The following PPP2R2B variants were observed in gnomAD, a reference collection of about 807,000 sequenced individuals.
The protein encoded by PPP2R2B is protein phosphatase 2 regulatory subunit Bbeta.
Under a neutral mutation model 46.0 loss-of-function variants are expected in PPP2R2B, and 5 were observed. The observed-to-expected ratio is 0.11, with a 90% CI of 0.06 to 0.23. The LOEUF is 0.23. Among genes scored for constraint, PPP2R2B ranks in the 10% least tolerant of loss-of-function variants. PPP2R2B has a pLI of 1.00. For missense variants in PPP2R2B, 367 were observed against 575.0 expected (o/e 0.64, Z 3.70); for synonymous variants, 215 against 206.7 (o/e 1.04, Z -0.34).
intron 8 of PPP2R2B, among the ~76,000 whole-genome samples, chr5:146,599,629 C>T (rs114432261): frequency 3.3e-5 from 5 of 152,172 alleles, no homozygotes; most frequent in Admixed American, 1.3e-4. Flanking sequence ...TTTCTCTTGA[C>T]ACCAGGCCTT....
At chr5:146,776,215 A>G (rs1243223433) in intron 2 of PPP2R2B, among the ~76,000 whole-genome samples, 1 of 152,256 alleles carries the variant, frequency 6.6e-6, no homozygotes, top group East Asian at 1.9e-4. Context: ...AAAAGAATAA[A>G]GTTGGAGAAC....
chr5:146,692,847 T>C lies in PPP2R2B; in HGVS notation c.335-1607A>G, dbSNP rs528147669. Among the ~76,000 whole-genome samples, 38 of 152,190 alleles carry C rather than the reference T, an allele frequency of 2.5e-4. 1 individual carries two copies. In the South Asian group the frequency reaches 7.5e-3, roughly 30 times the overall value. On this transcript the variant is annotated intron_variant, in intron 4 of 9. Coordinates refer to ENST00000394411, the MANE Select transcript of PPP2R2B (RefSeq NM_181675.4). ...CCACACCCGGCCTAATTCAATTATT[T>C]AAGGAGACAAGATCAGGCAAACAAA...
intron 1 of PPP2R2B, among the ~76,000 whole-genome samples, chr5:146,923,915 T>C (rs1763694558): frequency 6.6e-6 from 1 of 152,150 alleles, no homozygotes; most frequent in Non-Finnish European, 1.5e-5. Context: ...TGGTAGTTTG[T>C]TCCTTTGCAG....
At chr5:147,012,791 A>G (rs1269449016) in intron 1 of PPP2R2B, among the ~76,000 whole-genome samples, 5 of 151,730 alleles carry the variant, frequency 3.3e-5, no homozygotes, top group East Asian at 1.9e-4. Context: ...CTTTGTTCTC[A>G]TTGGTTTCAA....
chr5:146,812,822 TATATATACAC>T lies in PPP2R2B; in HGVS notation c.70+65170_70+65179del, dbSNP rs1487990920. 1.7e-4 allele frequency among the ~76,000 whole-genome samples: 15 copies of T among 90,716 alleles called. 1 individual carries two copies. The highest frequency in any genetic ancestry group is 6.1e-4 in the African/African-American group (15 of 24,774). 59.5% of individuals were successfully genotyped at this position (90,716 alleles called of 152,430 possible). A position where few individuals can be genotyped will look rare whatever the true frequency, so the allele number is the denominator to read the frequency against. ...ATATATATATATATATATATATATATATATATACACACACATTTCCATTATAAAACCATCA... is the reference window on the plus strand; with the variant it reads ...ATATATATATATATATATATATATATACACATTTCCATTATAAAACCATCA... On this transcript the variant is annotated intron_variant, in intron 2 of 9. Coordinates refer to ENST00000394411, the MANE Select transcript of PPP2R2B (RefSeq NM_181675.4).
chr5:146,715,411 T>C (rs1780439543), intron 2 of PPP2R2B, among the ~76,000 whole-genome samples: 1 of 152,182 alleles, frequency 6.6e-6, no homozygotes, highest in Non-Finnish European at 1.5e-5. Context: ...TAGAAAAGCA[T>C]AGTTTTTCTT....
At chr5:147,081,157 C>T (rs1235898209) in intron 1 of PPP2R2B, 11 of 1,535,240 alleles carry the variant, frequency 7.2e-6, no homozygotes, top group Non-Finnish European at 8.7e-6. Flanking sequence ...CACAAGGAGA[C>T]ACTTCAGGTT....
intron 2 of PPP2R2B, among the ~76,000 whole-genome samples, chr5:146,833,178 C>T (rs982571590): frequency 6.6e-6 from 1 of 152,078 alleles, no homozygotes; most frequent in African/African-American, 2.4e-5. Context: ...CTTCAAAATG[C>T]CTTTAATGCC....
chr5:146,781,914 A>T (rs1480451635), intron 2 of PPP2R2B, among the ~76,000 whole-genome samples: 1 of 152,182 alleles, frequency 6.6e-6, no homozygotes, highest in Non-Finnish European at 1.5e-5. Context: ...TGCAATCCGT[A>T]AAGTTGGAGG....
At chr5:146,964,643 A>C (rs1752323406) in intron 1 of PPP2R2B, among the ~76,000 whole-genome samples, 1 of 151,962 alleles carries the variant, frequency 6.6e-6, no homozygotes, top group Non-Finnish European at 1.5e-5. Flanking sequence ...TTCCTGCCTC[A>C]GCTTCCCGAG....
chr5:147,051,270 G>A (rs780666410), intron 1 of PPP2R2B, among the ~76,000 whole-genome samples: 3 of 152,152 alleles, frequency 2.0e-5, no homozygotes, highest in Non-Finnish European at 2.9e-5. Context: ...AATAGGTTGC[G>A]TCTGAGTCAG....
chr5:146,861,706 T>C (rs1019683720), intron 2 of PPP2R2B, among the ~76,000 whole-genome samples: 1 of 152,182 alleles, frequency 6.6e-6, no homozygotes, highest in African/African-American at 2.4e-5. Context: ...TAAAATTTCA[T>C]CAGCCTGAGT....
At chr5:146,749,625 T>TTTG (rs1753420924) in intron 2 of PPP2R2B, among the ~76,000 whole-genome samples, 1 of 149,262 alleles carries the variant, frequency 6.7e-6, no homozygotes, top group Non-Finnish European at 1.5e-5. Context: ...TTTTTTTTTT[T>TTTG]TCGAGATGGA....
chr5:146,839,899 C>T (rs1357741392), intron 2 of PPP2R2B, among the ~76,000 whole-genome samples: 1 of 152,122 alleles, frequency 6.6e-6, no homozygotes, highest in Non-Finnish European at 1.5e-5. Context: ...TTTTTACTTC[C>T]TTAGGGTATG....
intron 2 of PPP2R2B, among the ~76,000 whole-genome samples, chr5:146,793,747 G>T (rs891585957): frequency 6.6e-6 from 1 of 152,134 alleles, no homozygotes; most frequent in Non-Finnish European, 1.5e-5. Flanking sequence ...ACATGTTTAG[G>T]GTTAGAAATA....
chr5:146,858,575 C>T (rs1255353453), intron 2 of PPP2R2B, among the ~76,000 whole-genome samples: 2 of 152,144 alleles, frequency 1.3e-5, no homozygotes, highest in Non-Finnish European at 2.9e-5. Context: ...AAAAAATACA[C>T]ACAGTACTCA....
chr5:146,873,257 A>G (rs1251912040), intron 2 of PPP2R2B, among the ~76,000 whole-genome samples: 1 of 151,856 alleles, frequency 6.6e-6, no homozygotes, highest in Non-Finnish European at 1.5e-5. Flanking sequence ...AAATCCATCT[A>G]ATTCTCTCCA....
rs76371672 is a variant in PPP2R2B, at chr5:147,080,358, C to A, written c.50+701G>T. ...TGTTTCAGGCAAGCCCTACTGCATT[C>A]TGCTAGAAGAGCTAAACCGTGATTT... On this transcript the variant is annotated intron_variant, in intron 2 of 10. Coordinates refer to the PPP2R2B transcript ENST00000394413. Among the ~76,000 whole-genome samples, 1,145 of 152,298 alleles carry A rather than the reference C, an allele frequency of 7.5e-3. 12 individuals are homozygous for A. Among genetic ancestry groups the A allele is most frequent in the African/African-American group, 0.026 (1,093 of 41,574 alleles).
chr5:146,928,660 T>C (rs1357513076), intron 1 of PPP2R2B, among the ~76,000 whole-genome samples: 1 of 152,184 alleles, frequency 6.6e-6, no homozygotes, highest in East Asian at 1.9e-4. Context: ...TGATCTCTCA[T>C]ATTCCATACT....
Sources: allele counts gnomAD v4.1 joint callset (sites outside exome capture counted in the v4.1 genomes callset), GRCh38; gene constraint gnomAD v4.1.1; transcripts MANE v1.5; gene names NCBI Gene and HGNC (gene_info 2026-07-23, HGNC 2026-07-21).